Variants in ADGRV1 observed in about 807,000 individuals in gnomAD.
ADGRV1 encodes G-protein coupled receptor 98.
ADGRV1 carries 359 observed loss-of-function variants against 596.2 expected under a neutral mutation model. The observed-to-expected ratio is 0.60, with a 90% CI of 0.55 to 0.66. The LOEUF (loss-of-function observed/expected upper bound fraction) is 0.66. ADGRV1 is among the 30% of genes least tolerant of loss of function. ADGRV1 has a pLI of 0.00. For synonymous variants in ADGRV1, 2,681 were observed against 2,679.2 expected (o/e 1.00, Z -0.02); for missense variants, 7,274 against 7,575.6 (o/e 0.96, Z 1.48).
intron 86 of ADGRV1, among the ~76,000 whole-genome samples, chr5:91,098,253 ACT>A (rs1311455913): frequency 6.6e-6 from 1 of 152,132 alleles, no homozygotes; most frequent in Non-Finnish European, 1.5e-5. Context: ...ATTTATAGTC[ACT>A]GTTTAACAAC....
intron 15 of ADGRV1, 145 bp downstream of exon 15, chr5:90,645,014 C>A (rs1767535737): frequency 9.8e-6 from 6 of 614,498 alleles, no homozygotes; most frequent in South Asian, 2.8e-5. Flanking sequence ...GACCATAAAC[C>A]AGAAGAGCAG....
At chr5:90,702,557 C>T (rs888541647) in intron 34 of ADGRV1, among the ~76,000 whole-genome samples, 1 of 151,772 alleles carries the variant, frequency 6.6e-6, no homozygotes, top group African/African-American at 2.4e-5. Context: ...AAGAAATCTT[C>T]CTATAAGAAA....
At chr5:90,743,340 C>T (rs1754199461) in intron 50 of ADGRV1, among the ~76,000 whole-genome samples, 1 of 152,204 alleles carries the variant, frequency 6.6e-6, no homozygotes, top group East Asian at 1.9e-4. Flanking sequence ...TAAGCACGAA[C>T]AGTGGTTCTT....
In ADGRV1 at chr5:90,927,794, G is replaced by A. The variant is rs1412303493; in HGVS notation, c.17857-37621G>A. On this transcript the variant is annotated intron_variant, in intron 83 of 89. Coordinates refer to ENST00000405460, the MANE Select transcript of ADGRV1 (RefSeq NM_032119.4). Reference sequence around the variant, plus strand: ...CTGGTTGTTCCTTTCCATGTTTAGCGCTTCCTTCAGGAGCTCTTTTAGGGC... The same window carrying A: ...CTGGTTGTTCCTTTCCATGTTTAGCACTTCCTTCAGGAGCTCTTTTAGGGC... Among the ~76,000 whole-genome samples the A allele has an allele frequency of 2.6e-5, 4 of 152,032 alleles. No homozygotes were observed. The East Asian group carries it at 7.7e-4, about 29-fold the overall frequency.
chr5:91,060,398 A>ATATATATATATATTTT (rs796332430), intron 85 of ADGRV1, among the ~76,000 whole-genome samples: 4 of 60,526 alleles, frequency 6.6e-5, no homozygotes, highest in African/African-American at 1.4e-4. Flanking sequence ...ATATATATAT[A>ATATATATATATATTTT]TTTTTTTTTT....
Position 90,840,875 on chromosome 5 carries a change from C to T in ADGRV1, c.16909C>T (p.Gln5637Ter). The T allele has an allele frequency of 6.2e-7, 1 of 1,607,416 alleles. No individual in the cohort carries two copies. The highest frequency in any genetic ancestry group is 8.5e-7 in the Non-Finnish European group (1 of 1,175,832). The stretch of plus-strand genomic sequence containing the variant: ...TTGGGGGCTTGCAGATCAGCTACAT[C>T]AGCCTGTGAATGATGATATTCTCAA... The part of the protein sequence containing the change: ...AIWGLADQLH[Q>*]PVNDDILNRV... The change falls in exon 78 of 90, where the codon CAG becomes TAG. Residue 5637 changes from glutamine to a stop codon, truncating the protein, a stop_gained. Transcript: ENST00000405460. LOFTEE classifies it high-confidence loss of function.
intron 1 of ADGRV1, among the ~76,000 whole-genome samples, chr5:90,560,035 A>T (rs1754605267): frequency 6.6e-6 from 1 of 152,146 alleles, no homozygotes; most frequent in African/African-American, 2.4e-5. Context: ...GGTTACAGGG[A>T]GATGTCAAAT....
In ADGRV1 at chr5:90,675,770, A is replaced by G. The variant is rs1369851254; in HGVS notation, c.5314-310A>G. ...ACCACTGCACTCCAGCCTTGGTGAC[A>G]TTGTGAGACTCTGTCTCTAAAATAA... On this transcript the variant is annotated intron_variant, in intron 24 of 89. Transcript: ENST00000405460. 2.0e-5 allele frequency among the ~76,000 whole-genome samples: 3 copies of G among 152,132 alleles called. No individual in the cohort carries two copies. In the East Asian group the frequency reaches 5.8e-4, roughly 29 times the overall value.
At chr5:91,013,209 A>G (rs10058319) in intron 85 of ADGRV1, among the ~76,000 whole-genome samples, 107,156 of 151,948 alleles carry the variant, frequency 0.71, 38,179 homozygotes, top group African/African-American at 0.82. Context: ...TGTCTTTATG[A>G]TAGAATGATT....
intron 85 of ADGRV1, among the ~76,000 whole-genome samples, chr5:91,020,567 C>T (rs905252077): frequency 6.6e-6 from 1 of 152,016 alleles, no homozygotes. Context: ...TCTGGACTGT[C>T]TGTGTTCTTT....
chr5:90,863,895 G>T (rs1274175383), intron 83 of ADGRV1, 38 bp downstream of exon 83: 3 of 1,292,208 alleles, frequency 2.3e-6, no homozygotes, highest in Non-Finnish European at 3.4e-6. Context: ...ATCGTGAGAT[G>T]TTTGTGTTTC....
At chr5:90,681,898 C>G (rs1744997080) in intron 27 of ADGRV1, among the ~76,000 whole-genome samples, 1 of 139,074 alleles carries the variant, frequency 7.2e-6, no homozygotes, top group Admixed American at 7.9e-5. Flanking sequence ...GACGGAGTTT[C>G]GCTCTTGTTG....
intron 60 of ADGRV1, 131 bp downstream of exon 60, chr5:90,774,434 CA>C: frequency 3.3e-6 from 2 of 599,102 alleles, no homozygotes; most frequent in South Asian, 4.1e-5. Flanking sequence ...TACCATTTTC[CA>C]CATGTATTAA....
At position 90,985,527 on chromosome 5, in the gene ADGRV1, G is replaced by C. The variant is rs1780420084; in HGVS notation, c.18152+5G>C. ...TGGACTCATTCATGGTGACCTGTAA[G>C]TACACCCAGGCAACACATTGCCCTA... On this transcript the variant is annotated splice_donor_5th_base_variant and intron_variant, in intron 85 of 89. Coordinates refer to ENST00000405460, the MANE Select transcript of ADGRV1 (RefSeq NM_032119.4). The C allele has an allele frequency of 6.2e-7, 1 of 1,611,016 alleles. No individual in the cohort carries two copies. Among genetic ancestry groups the C allele is most frequent in the Non-Finnish European group, 8.5e-7 (1 of 1,177,478 alleles).
chr5:90,872,263 T>C (rs992428788), intron 83 of ADGRV1, among the ~76,000 whole-genome samples: 1 of 152,200 alleles, frequency 6.6e-6, no homozygotes, highest in African/African-American at 2.4e-5. Context: ...ATGGACATCA[T>C]CAGTAATTTT....
intron 85 of ADGRV1, among the ~76,000 whole-genome samples, chr5:91,045,920 A>C (rs369294785): frequency 6.6e-6 from 1 of 152,184 alleles, no homozygotes; most frequent in East Asian, 1.9e-4. Flanking sequence ...AACACCTCTT[A>C]TAATAGCTGC....
chr5:90,778,939 A>C lies in ADGRV1; in HGVS notation c.12924A>C (p.Thr4308=), dbSNP rs1171173342. Residue 4308 remains threonine (T), a synonymous_variant, in exon 64 of 90, where the codon ACA becomes ACC. Transcript: ENST00000405460. ...VRLWYKTMSG[T]AEAGLDFVPA... is the part of the protein sequence containing the mutation. The stretch of plus-strand genomic sequence containing the variant: ...TCTGGTACAAGACGATGAGCGGGAC[A>C]GCGGAAGCAGGCTTGGATTTTGTTC... 1 of 1,613,532 alleles carries C rather than the reference A, an allele frequency of 6.2e-7. No homozygotes were observed. Among genetic ancestry groups the C allele is most frequent in the Non-Finnish European group, 8.5e-7 (1 of 1,179,556 alleles).
At position 90,570,534 on chromosome 5, in the gene ADGRV1, G is replaced by C. The variant is rs529424694; in HGVS notation, c.22+11617G>C. Among the ~76,000 whole-genome samples the C allele has an allele frequency of 2.0e-5, 3 of 152,078 alleles. No individual in the cohort carries two copies. The East Asian group carries it at 5.8e-4, about 29-fold the overall frequency. On this transcript the variant is annotated intron_variant, in intron 1 of 89. Transcript: ENST00000405460. ...TTTCTTTAACTACTTTCTGTTGTTA[G>C]TCTTCTTCTGGGAGTTCCACTAGGT...
chr5:90,578,729 A>T (rs930127416), intron 1 of ADGRV1, among the ~76,000 whole-genome samples: 4 of 152,166 alleles, frequency 2.6e-5, no homozygotes, highest in African/African-American at 9.7e-5. Context: ...TCGGCTGTGA[A>T]TCCGTCTGGT....
Sources: gnomAD v4.1 joint callset for allele counts (sites outside exome capture counted in the v4.1 genomes callset) on GRCh38, gnomAD v4.1.1 for gene constraint, MANE v1.5 for transcripts, NCBI Gene and HGNC (gene_info 2026-07-23, HGNC 2026-07-21) for gene names.